The following TENM3 variants were observed in gnomAD, a reference collection of about 807,000 sequenced individuals.
TENM3 encodes the protein teneurin-3.
Under a neutral mutation model 255.1 loss-of-function variants are expected in TENM3, and 63 were observed. The observed-to-expected ratio is 0.25, with a 90% CI of 0.20 to 0.30. The LOEUF (loss-of-function observed/expected upper bound fraction) is 0.30. Among genes scored for constraint, TENM3 ranks in the 10% least tolerant of loss-of-function variants. TENM3 has a pLI of 1.00. For missense variants in TENM3, 2,929 were observed against 3,461.1 expected, an observed-to-expected ratio of 0.85 and a Z score of 3.86; for synonymous variants, 1,306 against 1,322.3, an observed-to-expected ratio of 0.99 and a Z score of 0.27.
chr4:182,438,897 ATAAC>A (rs1488321335), intron 3 of TENM3, among the ~76,000 whole-genome samples: 2 of 152,252 alleles, frequency 1.3e-5, no homozygotes, highest in East Asian at 1.9e-4. Context: ...TTGGCCAAAA[ATAAC>A]ATAGTTCTAC....
At chr4:181,776,816 C>T in the TENM3 span, among the ~76,000 whole-genome samples, 3 of 151,844 alleles carry the variant, frequency 2.0e-5, no homozygotes, top group East Asian at 5.8e-4. Flanking sequence ...TTTTGTGCAG[C>T]CTGGATATAT....
rs1447192740 is a variant in TENM3, at chr4:182,731,062, C to G, written c.2890C>G (p.Pro964Ala). ...TCTGAGTGGATTCGTGAGGCCAAAT[C>G]CCATCATTGTGTCATCACCTTTATC... ...CDLSGFVRPN[P>A]IIVSSPLSTF... The change falls in exon 16 of 28, where the codon CCC (proline) becomes GCC (alanine). Residue 964 changes from proline (P) to alanine (A), a missense_variant. Pro to Ala is a conservative substitution (Grantham distance 27). This residue lies in a region of TENM3 where 1,608 missense variants were observed against 1,884.4 expected (regional missense o/e 0.85). Transcript: ENST00000511685. The G allele has an allele frequency of 6.2e-7, 1 of 1,613,728 alleles. No individual in the cohort carries two copies. The highest frequency in any genetic ancestry group is 1.6e-4 in the Middle Eastern group (1 of 6,062).
chr4:182,683,443 A>G (rs891188563), intron 11 of TENM3, among the ~76,000 whole-genome samples: 2 of 152,184 alleles, frequency 1.3e-5, no homozygotes, highest in African/African-American at 4.8e-5. Context: ...GTATTTTCAG[A>G]TTAGGGATGC....
chr4:182,141,909 ATCTCT>A (rs1749460983), upstream of TENM3: 1 of 152,192 alleles, frequency 6.6e-6, no homozygotes, highest in East Asian at 1.9e-4. Flanking sequence ...GCAGTGTCTC[ATCTCT>A]TTATTGTGTA....
At chr4:181,913,316 G>T in the TENM3 span, among the ~76,000 whole-genome samples, 1 of 152,204 alleles carries the variant, frequency 6.6e-6, no homozygotes, top group South Asian at 2.1e-4. Context: ...ATTTGGTCCT[G>T]TTGGAAGTAA....
At chr4:182,205,480 C>G (rs1205061486) in intron 1 of TENM3, among the ~76,000 whole-genome samples, 1 of 152,212 alleles carries the variant, frequency 6.6e-6, no homozygotes, top group Non-Finnish European at 1.5e-5. Context: ...GAGCCTGGCT[C>G]TTGATTCACC....
At chr4:182,255,959 A>C (rs1252348901) in intron 1 of TENM3, among the ~76,000 whole-genome samples, 2 of 152,022 alleles carry the variant, frequency 1.3e-5, no homozygotes, top group African/African-American at 2.4e-5. Flanking sequence ...TTCTTTGTAC[A>C]TCGTTCTGTT....
At chr4:181,721,073 T>C in the TENM3 span, among the ~76,000 whole-genome samples, 1 of 151,332 alleles carries the variant, frequency 6.6e-6, no homozygotes, top group Non-Finnish European at 1.5e-5. Context: ...CCTGAATTTA[T>C]GACTGATGAA....
chr4:182,357,708 G>T (rs960968862), intron 3 of TENM3, among the ~76,000 whole-genome samples: 5 of 150,496 alleles, frequency 3.3e-5, no homozygotes, highest in Admixed American at 3.3e-4. Flanking sequence ...CTGTGCAGAA[G>T]CTCTTTAGTT....
the TENM3 span, among the ~76,000 whole-genome samples, chr4:181,882,870 A>C: frequency 6.6e-6 from 1 of 152,208 alleles, no homozygotes; most frequent in Non-Finnish European, 1.5e-5. Context: ...ACTTATAATC[A>C]TCAGATTAAG....
chr4:181,548,566 G>T, the TENM3 span, among the ~76,000 whole-genome samples: 1 of 152,244 alleles, frequency 6.6e-6, no homozygotes, highest in East Asian at 1.9e-4. Context: ...TAACTGAGAG[G>T]TGTTCTCAGA....
At chr4:181,497,347 A>G in the TENM3 span, among the ~76,000 whole-genome samples, 5 of 152,300 alleles carry the variant, frequency 3.3e-5, no homozygotes, top group Admixed American at 2.6e-4. Flanking sequence ...AAGACTGTCT[A>G]CTACCCTATA....
chr4:182,703,028 G>A (rs180803464), intron 12 of TENM3, among the ~76,000 whole-genome samples: 37 of 152,180 alleles, frequency 2.4e-4, no homozygotes, highest in African/African-American at 7.7e-4. Context: ...GAGCCACCGC[G>A]CCTGGCCCAA....
intron 3 of TENM3, among the ~76,000 whole-genome samples, chr4:182,561,651 A>G (rs1743195377): frequency 6.6e-6 from 1 of 152,138 alleles, no homozygotes; most frequent in Non-Finnish European, 1.5e-5. Context: ...AGAATTGTTT[A>G]TATGGATAAA....
chr4:182,489,036 T>G (rs1029750256), intron 3 of TENM3, among the ~76,000 whole-genome samples: 1 of 152,170 alleles, frequency 6.6e-6, no homozygotes, highest in Non-Finnish European at 1.5e-5. Context: ...TTTTAAATGA[T>G]TTTATTACTT....
the TENM3 span, among the ~76,000 whole-genome samples, chr4:182,035,277 A>G: frequency 6.6e-6 from 1 of 152,240 alleles, no homozygotes; most frequent in Non-Finnish European, 1.5e-5. Flanking sequence ...CAGTGAAAGC[A>G]TGGCAACACA....
At chr4:181,971,947 C>T in the TENM3 span, among the ~76,000 whole-genome samples, 4 of 151,940 alleles carry the variant, frequency 2.6e-5, no homozygotes, top group African/African-American at 7.3e-5. Flanking sequence ...ATAATAATAT[C>T]GGCAACGTCT....
chr4:182,783,885 G>C (rs961004782), intron 24 of TENM3, among the ~76,000 whole-genome samples: 1 of 151,686 alleles, frequency 6.6e-6, no homozygotes, highest in African/African-American at 2.4e-5. Context: ...CGTAGTTCTC[G>C]AGCCTTGGTT....
At chr4:181,487,378 G>T in the TENM3 span, among the ~76,000 whole-genome samples, 1 of 152,178 alleles carries the variant, frequency 6.6e-6, no homozygotes, top group East Asian at 1.9e-4. Context: ...GACTGCATGG[G>T]TTATAAACAA....
Sources: allele counts gnomAD v4.1 joint callset (sites outside exome capture counted in the v4.1 genomes callset), GRCh38; gene constraint gnomAD v4.1.1; regional missense constraint gnomAD v4.1.1; transcripts MANE v1.5; gene names NCBI Gene and HGNC (gene_info 2026-07-23, HGNC 2026-07-21).